The following FER variants were observed in gnomAD, a reference collection of about 807,000 sequenced individuals.
FER encodes FER tyrosine kinase, also known as tyrosine-protein kinase Fer.
In FER, 63 loss-of-function variants were observed where a neutral mutation model predicts 111.0. The ratio of observed to expected loss-of-function variants is 0.57; its 90% CI spans 0.46 to 0.70. The LOEUF (loss-of-function observed/expected upper bound fraction) is 0.70. FER is among the 30% of genes least tolerant of loss of function. The probability of loss-of-function intolerance (pLI) is 0.00; values close to 1 mark genes in which losing one functional copy is unlikely to be tolerated. For synonymous variants in FER, 327 were observed against 313.9 expected (o/e 1.04, Z -0.44); for missense variants, 914 against 954.0 (o/e 0.96, Z 0.55).
chr5:109,085,455 A>ATT (rs372809899), intron 16 of FER, among the ~76,000 whole-genome samples: 3,786 of 140,968 alleles, frequency 0.027, 69 homozygotes, highest in Non-Finnish European at 0.039. Flanking sequence ...AATCTGGTGG[A>ATT]TTTTTTTTTT....
intron 16 of FER, among the ~76,000 whole-genome samples, chr5:109,055,374 G>A (rs913386455): frequency 6.6e-6 from 1 of 152,206 alleles, no homozygotes; most frequent in Non-Finnish European, 1.5e-5. Context: ...AAATGAAGCA[G>A]TAGCCTACAG....
chr5:108,932,151 C>T (rs1207321707), intron 10 of FER, among the ~76,000 whole-genome samples: 1 of 152,058 alleles, frequency 6.6e-6, no homozygotes, highest in Admixed American at 6.6e-5. Context: ...AGGTATTTCT[C>T]CTAATGCTAT....
chr5:109,010,868 T>C (rs1766173982), intron 13 of FER, among the ~76,000 whole-genome samples: 1 of 152,194 alleles, frequency 6.6e-6, no homozygotes, highest in Non-Finnish European at 1.5e-5. Flanking sequence ...TTTTTGAGTT[T>C]TGAATATTTT....
At chr5:109,123,536 T>C (rs952856483) in intron 17 of FER, among the ~76,000 whole-genome samples, 1 of 152,124 alleles carries the variant, frequency 6.6e-6, no homozygotes. Flanking sequence ...TATTTTTTTG[T>C]ATATCTCTTG....
In FER at chr5:108,843,341, G is replaced by T. The variant is rs191088069; in HGVS notation, c.481+7534G>T. Among the ~76,000 whole-genome samples, 177 of 151,956 alleles carry T rather than the reference G, an allele frequency of 1.2e-3. 1 individual carries two copies. Among genetic ancestry groups the T allele is most frequent in the African/African-American group, 4.1e-3 (171 of 41,428 alleles). On this transcript the variant is annotated intron_variant, in intron 5 of 19. Transcript: ENST00000281092. ...AAAGGTCTCAGATGATCCTTATTGGGGCAACTATTTCAATATCAAATTATT... is the reference window on the plus strand; with the variant it reads ...AAAGGTCTCAGATGATCCTTATTGGTGCAACTATTTCAATATCAAATTATT...
At chr5:108,946,916 A>G (rs1012332385) in intron 11 of FER, among the ~76,000 whole-genome samples, 5 of 151,986 alleles carry the variant, frequency 3.3e-5, no homozygotes, top group African/African-American at 1.2e-4. Context: ...ATTTACCTAC[A>G]CTGGATATTT....
chr5:108,791,474 C>T (rs1349129931), intron 2 of FER, among the ~76,000 whole-genome samples: 4 of 150,696 alleles, frequency 2.7e-5, no homozygotes, highest in Non-Finnish European at 5.9e-5. Flanking sequence ...TTTTTTTGTT[C>T]GTTTTTCTTA....
chr5:108,770,671 T>G (rs1752804960), intron 2 of FER, among the ~76,000 whole-genome samples: 1 of 152,214 alleles, frequency 6.6e-6, no homozygotes, highest in East Asian at 1.9e-4. Context: ...CTACAGTGCC[T>G]GGCCTATTTG....
At chr5:108,767,860 G>A (rs545190393) in intron 1 of FER, among the ~76,000 whole-genome samples, 2 of 152,208 alleles carry the variant, frequency 1.3e-5, no homozygotes, top group Non-Finnish European at 2.9e-5. Flanking sequence ...GAGGGAATAG[G>A]TTGGAGGAGA....
intron 10 of FER, among the ~76,000 whole-genome samples, chr5:108,933,111 G>A (rs889093688): frequency 6.6e-6 from 1 of 152,042 alleles, no homozygotes; most frequent in Non-Finnish European, 1.5e-5. Context: ...GATCCCATTT[G>A]TCAATTTTGG....
intron 16 of FER, among the ~76,000 whole-genome samples, chr5:109,061,692 G>A (rs1774435920): frequency 6.6e-6 from 1 of 152,162 alleles, no homozygotes; most frequent in Non-Finnish European, 1.5e-5. Context: ...GCTCGTTTCA[G>A]TAAACAGGAA....
intron 17 of FER, among the ~76,000 whole-genome samples, chr5:109,135,113 T>G (rs1442264455): frequency 6.6e-6 from 1 of 152,154 alleles, no homozygotes; most frequent in East Asian, 1.9e-4. Context: ...GTTCAAGAAA[T>G]GATACATTGT....
At chr5:108,981,794 T>G (rs928932688) in intron 13 of FER, among the ~76,000 whole-genome samples, 1 of 152,126 alleles carries the variant, frequency 6.6e-6, no homozygotes, top group Non-Finnish European at 1.5e-5. Flanking sequence ...GTGGCAGAGC[T>G]TGGATTCCAA....
intron 10 of FER, among the ~76,000 whole-genome samples, chr5:108,898,622 CCTTCCTTT>C (rs1437953570): frequency 1.5e-5 from 2 of 134,896 alleles, no homozygotes; most frequent in African/African-American, 5.4e-5. Flanking sequence ...TTCCTTCCTT[CCTTCCTTT>C]CTTTTTCTTT....
intron 17 of FER, among the ~76,000 whole-genome samples, chr5:109,118,250 T>C (rs1444936170): frequency 6.6e-6 from 1 of 152,212 alleles, no homozygotes; most frequent in African/African-American, 2.4e-5. Flanking sequence ...CTTTTCTTCA[T>C]CTATTGAGAT....
chr5:108,777,520 G>A (rs1205883782), intron 2 of FER, among the ~76,000 whole-genome samples: 1 of 152,118 alleles, frequency 6.6e-6, no homozygotes, highest in Non-Finnish European at 1.5e-5. Context: ...TGACATGTAT[G>A]CACCATTATA....
chr5:108,794,526 A>C (rs867409197), intron 2 of FER, among the ~76,000 whole-genome samples: 8,899 of 106,022 alleles, frequency 0.084, 16 homozygotes, highest in Admixed American at 0.12. Flanking sequence ...CCCCCTCCGC[A>C]CCCCCCCCCC....
At position 108,835,920 on chromosome 5, in the gene FER, A is replaced by C. The variant is rs1580790437; in HGVS notation, c.481+113A>C. On this transcript the variant is annotated intron_variant, in intron 5 of 19. Transcript: ENST00000281092. ...ATTTAGAGCATTTCACATATAAAAA[A>C]CTCAAAATAAACCCACATTGGCTAA... 1.2e-5 allele frequency: 7 copies of C among 560,252 alleles called. No individual in the cohort carries two copies. The East Asian group carries it at 2.1e-4, about 17-fold the overall frequency. The allele number at this position is 560,252 out of a possible 1,614,324, so 34.7% of individuals were successfully genotyped here. A position where few individuals can be genotyped will look rare whatever the true frequency, so the allele number is the denominator to read the frequency against.
rs764856993 is a variant in FER at position 108,825,327 on chromosome 5, G to GT, written c.208-7442dup. On this transcript the variant is annotated intron_variant, in intron 3 of 19. Transcript: ENST00000281092. ...GCCCCGGGGGGCCCAGTTCAGAGAC[G>GT]TACCCCTAGGTGCGCATTCTCTTTC... 4.3e-4 allele frequency among the ~76,000 whole-genome samples: 66 copies of GT among 152,144 alleles called. 1 individual carries two copies. Among genetic ancestry groups the GT allele is most frequent in the Admixed American group, 2.0e-3 (30 of 15,262 alleles).
Sources: allele counts gnomAD v4.1 joint callset (sites outside exome capture counted in the v4.1 genomes callset), GRCh38; gene constraint gnomAD v4.1.1; transcripts MANE v1.5; gene names NCBI Gene and HGNC (gene_info 2026-07-23, HGNC 2026-07-21).